The following STARD13 variants were observed in gnomAD, a reference collection of about 807,000 sequenced individuals.
STARD13 encodes stAR-related lipid transfer protein 13.
Under a neutral mutation model 106.4 loss-of-function variants are expected in STARD13, and 62 were observed. The ratio of observed to expected loss-of-function variants is 0.58; its 90% CI spans 0.48 to 0.72. The LOEUF (loss-of-function observed/expected upper bound fraction) is 0.72, where lower values mean the gene tolerates loss of function less well. STARD13 is among the 30% of genes least tolerant of loss of function. The pLI, the probability that STARD13 is intolerant of heterozygous loss-of-function variation, is 0.00. For missense variants in STARD13, 1,387 were observed against 1,424.0 expected, an observed-to-expected ratio of 0.97 and a Z score of 0.42; for synonymous variants, 565 against 553.0, an observed-to-expected ratio of 1.02 and a Z score of -0.31.
chr13:33,359,757 T>C, the STARD13 span, among the ~76,000 whole-genome samples: 2 of 152,216 alleles, frequency 1.3e-5, no homozygotes, highest in Non-Finnish European at 2.9e-5. Flanking sequence ...GTTGTCCCTT[T>C]AACTTGATAG....
At chr13:33,349,666 G>A (rs1159791724) in intron 1 of STARD13, among the ~76,000 whole-genome samples, 2 of 152,194 alleles carry the variant, frequency 1.3e-5, no homozygotes, top group African/African-American at 4.8e-5. Context: ...CCCAAAGGGA[G>A]GCCTTTCCTT....
At chr13:33,325,839 G>A (rs545630569) in intron 1 of STARD13, among the ~76,000 whole-genome samples, 1 of 152,154 alleles carries the variant, frequency 6.6e-6, no homozygotes, top group East Asian at 1.9e-4. Context: ...CAAAAAATTA[G>A]CCGGGCATGG....
intron 8 of STARD13, among the ~76,000 whole-genome samples, chr13:33,115,146 G>A (rs1438094068): frequency 2.0e-5 from 3 of 152,090 alleles, no homozygotes; most frequent in African/African-American, 7.2e-5. Context: ...TCCTCCAGAT[G>A]GGTAGGACTC....
At chr13:33,521,087 C>T in the STARD13 span, among the ~76,000 whole-genome samples, 17 of 152,048 alleles carry the variant, frequency 1.1e-4, no homozygotes, top group African/African-American at 3.6e-4. Flanking sequence ...CCCATGGGAA[C>T]GACTCGAGCT....
the STARD13 span, among the ~76,000 whole-genome samples, chr13:33,660,660 T>C: frequency 6.6e-6 from 1 of 152,206 alleles, no homozygotes; most frequent in Non-Finnish European, 1.5e-5. Flanking sequence ...TATAACTCAC[T>C]GCAGACTTGA....
At chr13:33,310,656 T>A (rs1448433879) in intron 1 of STARD13, among the ~76,000 whole-genome samples, 1 of 152,130 alleles carries the variant, frequency 6.6e-6, no homozygotes. Flanking sequence ...AATATATATA[T>A]TGAATTTTAA....
chr13:33,329,883 T>C (rs2077817661), intron 1 of STARD13, among the ~76,000 whole-genome samples: 1 of 152,092 alleles, frequency 6.6e-6, no homozygotes, highest in East Asian at 1.9e-4. Context: ...TTTGTATTTT[T>C]AGTAGAGACA....
chr13:33,350,617 C>T (rs1180036594), exon 1 of STARD13: 90 of 1,379,282 alleles, frequency 6.5e-5, no homozygotes, highest in Non-Finnish European at 1.1e-5. Flanking sequence ...CCAGAAACGC[C>T]GCGCTAGGTT....
chr13:33,122,707 C>A (rs1343463927), intron 7 of STARD13, among the ~76,000 whole-genome samples: 1 of 152,106 alleles, frequency 6.6e-6, no homozygotes, highest in Non-Finnish European at 1.5e-5. Context: ...TCCCCTTGGT[C>A]TAGTTTTCCT....
chr13:33,245,699 C>T (rs1203049230), intron 1 of STARD13, among the ~76,000 whole-genome samples: 1 of 152,174 alleles, frequency 6.6e-6, no homozygotes, highest in African/African-American at 2.4e-5. Context: ...TCTTCTTCAA[C>T]AGAAAATATG....
At chr13:33,490,403 C>G in the STARD13 span, among the ~76,000 whole-genome samples, 2 of 152,122 alleles carry the variant, frequency 1.3e-5, no homozygotes, top group Non-Finnish European at 2.9e-5. Flanking sequence ...CTATCCTGCA[C>G]CCACATAAAC....
rs1873412392 is a variant in STARD13, at chr13:33,104,152, G to A, written c.*1441C>T. Reference sequence around the variant, plus strand: ...GCTAAATCTTATCAATCTCTATTATGGATGACCAAAGAAAATCTCTCTCCC... The same window carrying A: ...GCTAAATCTTATCAATCTCTATTATAGATGACCAAAGAAAATCTCTCTCCC... On this transcript the variant is annotated 3_prime_UTR_variant, in exon 14 of 14. Transcript: ENST00000336934. 1 of 152,018 alleles carries A rather than the reference G, an allele frequency of 6.6e-6. No individual in the cohort carries two copies. The highest frequency in any genetic ancestry group is 2.1e-4 in the South Asian group (1 of 4,824). The allele number at this position is 152,018 out of a possible 1,614,324, so 9.4% of individuals were successfully genotyped here. A position where few individuals can be genotyped will look rare whatever the true frequency, so the allele number is the denominator to read the frequency against.
intron 1 of STARD13, among the ~76,000 whole-genome samples, chr13:33,246,953 T>G (rs976197485): frequency 1.3e-5 from 2 of 152,252 alleles, no homozygotes; most frequent in Middle Eastern, 3.4e-3. Flanking sequence ...TCCCAGCACT[T>G]TGGGAGGCCG....
At chr13:33,407,006 T>C in the STARD13 span, among the ~76,000 whole-genome samples, 1 of 152,170 alleles carries the variant, frequency 6.6e-6, no homozygotes, top group Non-Finnish European at 1.5e-5. Flanking sequence ...GAAATTCACT[T>C]AAAGGAAATC....
At chr13:33,180,948 T>A (rs17078738) in intron 1 of STARD13, among the ~76,000 whole-genome samples, 1,791 of 152,300 alleles carry the variant, frequency 0.012, 34 homozygotes, top group African/African-American at 0.038. Context: ...AGATGAAGTC[T>A]ATCTTGCTCA....
intron 1 of STARD13, among the ~76,000 whole-genome samples, chr13:33,342,341 C>T (rs927728804): frequency 3.9e-5 from 6 of 152,140 alleles, no homozygotes; most frequent in African/African-American, 1.4e-4. Context: ...GTAGGCCCAA[C>T]CAGTTATAGT....
chr13:33,268,473 G>A (rs138976290), intron 1 of STARD13, among the ~76,000 whole-genome samples: 4,045 of 152,204 alleles, frequency 0.027, 92 homozygotes, highest in Non-Finnish European at 0.041. Flanking sequence ...AGTAAGAGCC[G>A]GGCTCTGTGA....
the STARD13 span, among the ~76,000 whole-genome samples, chr13:33,609,518 A>G: frequency 2.0e-5 from 3 of 151,952 alleles, no homozygotes; most frequent in Admixed American, 2.0e-4. Flanking sequence ...ATATTTGGCA[A>G]TGTTGAAACT....
chr13:33,494,310 C>T, the STARD13 span, among the ~76,000 whole-genome samples: 1 of 152,180 alleles, frequency 6.6e-6, no homozygotes, highest in Admixed American at 6.6e-5. Context: ...GCACACTACA[C>T]ATTTTACTTA....
Sources: gnomAD v4.1 joint callset for allele counts (sites outside exome capture counted in the v4.1 genomes callset) on GRCh38, gnomAD v4.1.1 for gene constraint, MANE v1.5 for transcripts, NCBI Gene and HGNC (gene_info 2026-07-23, HGNC 2026-07-21) for gene names.